Variants in CADPS observed in about 807,000 individuals in gnomAD.
The protein encoded by CADPS is calcium-dependent secretion activator 1.
In CADPS, 57 loss-of-function variants were observed where a neutral mutation model predicts 167.3. The ratio of observed to expected loss-of-function variants is 0.34; its 90% CI spans 0.28 to 0.42. The LOEUF (loss-of-function observed/expected upper bound fraction) is 0.42, where lower values mean the gene tolerates loss of function less well. Among genes scored for constraint, CADPS ranks in the 20% least tolerant of loss-of-function variants. CADPS has a pLI of 1.00. For missense variants in CADPS, 1,414 were observed against 1,738.1 expected, an observed-to-expected ratio of 0.81 and a Z score of 3.32; for synonymous variants, 676 against 635.3, an observed-to-expected ratio of 1.06 and a Z score of -0.96.
intron 3 of CADPS, among the ~76,000 whole-genome samples, chr3:62,716,714 G>C (rs2084714647): frequency 6.6e-6 from 1 of 152,204 alleles, no homozygotes. Flanking sequence ...ATTAACTGAA[G>C]AGTATATCGG....
chr3:62,856,528 G>C (rs1454281231), intron 1 of CADPS, among the ~76,000 whole-genome samples: 2 of 151,896 alleles, frequency 1.3e-5, no homozygotes, highest in Non-Finnish European at 2.9e-5. Context: ...AAAAATGCAA[G>C]AAGAGTCATG....
intron 12 of CADPS, among the ~76,000 whole-genome samples, chr3:62,534,015 A>G (rs1213624554): frequency 6.6e-6 from 1 of 152,192 alleles, no homozygotes; most frequent in African/African-American, 2.4e-5. Flanking sequence ...TGGGATGGAA[A>G]TTGCTAGCCC....
chr3:62,858,476 T>G (rs563099244), intron 1 of CADPS, among the ~76,000 whole-genome samples: 1 of 152,274 alleles, frequency 6.6e-6, no homozygotes, highest in East Asian at 1.9e-4. Context: ...AGTATAGTGC[T>G]GTGTGTTGAT....
intron 3 of CADPS, among the ~76,000 whole-genome samples, chr3:62,746,912 G>A (rs1287340598): frequency 2.0e-5 from 3 of 152,174 alleles, no homozygotes; most frequent in Non-Finnish European, 2.9e-5. Context: ...GATAATAAGT[G>A]GGCATTCTTT....
At chr3:62,548,923 A>T (rs1441133549) in intron 11 of CADPS, among the ~76,000 whole-genome samples, 1 of 152,142 alleles carries the variant, frequency 6.6e-6, no homozygotes, top group South Asian at 2.1e-4. Context: ...TTATCTGTTC[A>T]CTTGTTTACT....
At chr3:62,777,009 C>T (rs574168784) in intron 1 of CADPS, among the ~76,000 whole-genome samples, 75 of 152,108 alleles carry the variant, frequency 4.9e-4, no homozygotes, top group African/African-American at 1.8e-3. Context: ...GGATTAGGGG[C>T]GGCTGTGTGA....
intron 21 of CADPS, among the ~76,000 whole-genome samples, chr3:62,488,922 G>T: frequency 6.6e-6 from 1 of 152,210 alleles, no homozygotes; most frequent in South Asian, 2.1e-4. Flanking sequence ...AAACACACAC[G>T]TATCTGCATA....
intron 22 of CADPS, among the ~76,000 whole-genome samples, chr3:62,480,926 G>A (rs556487557): frequency 6.6e-6 from 1 of 152,280 alleles, no homozygotes; most frequent in Admixed American, 6.5e-5. Flanking sequence ...AGAAGAAATG[G>A]CTTCTCAACC....
chr3:62,413,377 G>A (rs1050343831), intron 28 of CADPS, among the ~76,000 whole-genome samples: 1 of 152,130 alleles, frequency 6.6e-6, no homozygotes, highest in African/African-American at 2.4e-5. Context: ...CAACCCAAGT[G>A]TCCATCAGAG....
intron 5 of CADPS, among the ~76,000 whole-genome samples, chr3:62,646,937 G>A (rs1317135172): frequency 1.3e-5 from 2 of 152,060 alleles, no homozygotes; most frequent in South Asian, 2.1e-4. Flanking sequence ...AGAAAAAGCC[G>A]GTGTCATGAT....
intron 6 of CADPS, among the ~76,000 whole-genome samples, chr3:62,631,464 G>T (rs1472544596): frequency 1.3e-5 from 2 of 152,148 alleles, no homozygotes; most frequent in East Asian, 1.9e-4. Flanking sequence ...TGTTTCATGT[G>T]CATTTCTCTG....
At chr3:62,860,858 T>G (rs182411541) in intron 1 of CADPS, among the ~76,000 whole-genome samples, 1 of 152,188 alleles carries the variant, frequency 6.6e-6, no homozygotes, top group Non-Finnish European at 1.5e-5. Context: ...TCTTTCCACT[T>G]GGGGAGGAGT....
At chr3:62,786,925 A>C (rs539083842) in intron 1 of CADPS, among the ~76,000 whole-genome samples, 7 of 152,326 alleles carry the variant, frequency 4.6e-5, no homozygotes, top group Admixed American at 3.9e-4. Context: ...TGGTGCAGCC[A>C]AGCAATGCCT....
intron 3 of CADPS, among the ~76,000 whole-genome samples, chr3:62,737,077 G>C (rs1209967130): frequency 6.6e-6 from 1 of 152,008 alleles, no homozygotes; most frequent in African/African-American, 2.4e-5. Context: ...GGCAGAGGTT[G>C]CAGTGAGCCA....
intron 28 of CADPS, among the ~76,000 whole-genome samples, chr3:62,429,880 G>C (rs1208259129): frequency 6.6e-6 from 1 of 152,108 alleles, no homozygotes; most frequent in Admixed American, 6.6e-5. Flanking sequence ...ATGTCTTCTG[G>C]AACACAGAAA....
intron 1 of CADPS, among the ~76,000 whole-genome samples, chr3:62,838,496 C>T (rs2076211550): frequency 6.6e-6 from 1 of 152,058 alleles, no homozygotes; most frequent in Non-Finnish European, 1.5e-5. Context: ...TGTGAAATCC[C>T]TAAAACTGTG....
intron 1 of CADPS, among the ~76,000 whole-genome samples, chr3:62,830,521 G>A (rs1460706550): frequency 1.3e-5 from 2 of 152,112 alleles, no homozygotes; most frequent in African/African-American, 4.8e-5. Context: ...TTCTCTAGAA[G>A]AATAAATACA....
intron 1 of CADPS, among the ~76,000 whole-genome samples, chr3:62,777,963 C>T (rs1247233696): frequency 6.6e-6 from 1 of 152,294 alleles, no homozygotes; most frequent in Admixed American, 6.5e-5. Flanking sequence ...GTTTCAGAGA[C>T]TTTTCTCCAC....
intron 6 of CADPS, among the ~76,000 whole-genome samples, chr3:62,631,962 GGTGACCAACT>G (rs935719240): frequency 4.6e-5 from 7 of 152,146 alleles, no homozygotes; most frequent in African/African-American, 1.7e-4. Context: ...ACTAAAACAA[GGTGACCAACT>G]GTCTGTTTGC....
Sources: gnomAD v4.1 joint callset for allele counts (sites outside exome capture counted in the v4.1 genomes callset) on GRCh38, gnomAD v4.1.1 for gene constraint, MANE v1.5 for transcripts, NCBI Gene and HGNC (gene_info 2026-07-23, HGNC 2026-07-21) for gene names.